Variants in CDH23 observed in about 807,000 individuals in gnomAD.
The protein encoded by CDH23 is cadherin related 23, also known as cadherin-23.
Under a neutral mutation model 317.1 loss-of-function variants are expected in CDH23, and 189 were observed. The ratio of observed to expected loss-of-function variants is 0.60; its 90% CI spans 0.53 to 0.67. The LOEUF is 0.67. Ranked by LOEUF, CDH23 falls within the 30% of genes least tolerant of loss-of-function variation. The pLI, the probability that CDH23 is intolerant of heterozygous loss-of-function variation, is 0.00. For missense variants in CDH23, 4,401 were observed against 4,592.4 expected, an observed-to-expected ratio of 0.96 and a Z score of 1.20; for synonymous variants, 1,839 against 1,876.8, an observed-to-expected ratio of 0.98 and a Z score of 0.52.
In CDH23 at chr10:71,705,117, G is replaced by C; in HGVS notation, c.2940G>C (p.Thr980=). ...CGCCCACCAAGAGCTCCACCAGCAC[G>C]CTCACCATCCATGGTGAGGGGGCGC... ...AGTPTKSSTS[T]LTIHVLDVND... Residue 980 remains threonine, a synonymous_variant, in exon 25 of 70, where the codon ACG becomes ACC. Transcript: ENST00000224721. 6.2e-7 allele frequency: 1 copy of C among 1,610,166 alleles called. No individual in the cohort carries two copies. The highest frequency in any genetic ancestry group is 8.5e-7 in the Non-Finnish European group (1 of 1,178,506).
chr10:71,511,252 C>T (rs1331134197), intron 6 of CDH23, 40 bp downstream of exon 6: 3 of 1,528,740 alleles, frequency 2.0e-6, no homozygotes, highest in Admixed American at 3.3e-5. Flanking sequence ...TATCAGAGAC[C>T]TGCTGCTCCC....
chr10:71,721,280 G>T (rs1564756333), intron 28 of CDH23, among the ~76,000 whole-genome samples: 1 of 152,174 alleles, frequency 6.6e-6, no homozygotes, highest in Non-Finnish European at 1.5e-5. Context: ...GTTTCTCAGG[G>T]AATGGAGAGA....
intron 12 of CDH23, among the ~76,000 whole-genome samples, chr10:71,644,197 G>GCTCTGGGCTCC (rs772878386): frequency 3.3e-5 from 5 of 152,252 alleles, no homozygotes; most frequent in Non-Finnish European, 4.4e-5. Flanking sequence ...CCCCTGGGGA[G>GCTCTGGGCTCC]CCACTTTGGG....
chr10:71,624,316 C>G (rs144511238), intron 11 of CDH23, among the ~76,000 whole-genome samples: 10 of 152,210 alleles, frequency 6.6e-5, no homozygotes, highest in African/African-American at 2.2e-4. Context: ...CAGGGAAGGA[C>G]GAGAGAGGCA....
intron 3 of CDH23, among the ~76,000 whole-genome samples, chr10:71,509,570 A>G (rs536811248): frequency 6.6e-6 from 1 of 152,248 alleles, no homozygotes; most frequent in South Asian, 2.1e-4. Context: ...CATGAAAGAG[A>G]GCTCCTCTTT....
At chr10:71,614,995 T>C (rs145127493) in intron 9 of CDH23, among the ~76,000 whole-genome samples, 1 of 152,294 alleles carries the variant, frequency 6.6e-6, no homozygotes, top group African/African-American at 2.4e-5. Context: ...ACATTTTTTG[T>C]AAAAGGAAAC....
chr10:71,458,253 G>T (rs1850796344), intron 3 of CDH23, among the ~76,000 whole-genome samples: 1 of 152,228 alleles, frequency 6.6e-6, no homozygotes, highest in Admixed American at 6.5e-5. Flanking sequence ...ACCAAGAAAG[G>T]GCTTGGATGG....
chr10:71,617,688 C>A, intron 11 of CDH23: 1 of 363,750 alleles, frequency 2.7e-6, no homozygotes. Flanking sequence ...AAAGCATGTA[C>A]AAAAATAGCA....
intron 14 of CDH23, among the ~76,000 whole-genome samples, chr10:71,648,287 A>G (rs191225947): frequency 6.0e-4 from 92 of 152,300 alleles, no homozygotes; most frequent in Middle Eastern, 3.4e-3. Flanking sequence ...CAAGTGCCAG[A>G]GGCTCTGGCC....
chr10:71,755,185 T>C, intron 38 of CDH23: 1 of 718,716 alleles, frequency 1.4e-6, no homozygotes, highest in Non-Finnish European at 2.4e-6. Flanking sequence ...ATGGCATGCC[T>C]CCTTTCTCTC....
At chr10:71,620,276 G>A (rs890695271) in intron 11 of CDH23, among the ~76,000 whole-genome samples, 3 of 152,130 alleles carry the variant, frequency 2.0e-5, no homozygotes, top group East Asian at 1.9e-4. Context: ...GGAAGGTGCC[G>A]AGTAGTTGTC....
At chr10:71,677,771 GT>G in intron 16 of CDH23, 78 bp downstream of exon 16, 1 of 1,272,018 alleles carries the variant, frequency 7.9e-7, no homozygotes, top group Non-Finnish European at 1.1e-6. Flanking sequence ...CTTCTTTTTT[GT>G]TTTTGTTTTT....
At chr10:71,738,747 A>G (rs964796705) in intron 35 of CDH23, 100 bp downstream of exon 35, 16 of 1,402,586 alleles carry the variant, frequency 1.1e-5, no homozygotes, top group Non-Finnish European at 1.4e-5. Flanking sequence ...ATCACCAAGC[A>G]CCAGGTTCTT....
intron 6 of CDH23, among the ~76,000 whole-genome samples, chr10:71,535,236 GAC>G (rs1855631219): frequency 6.6e-6 from 1 of 152,232 alleles, no homozygotes; most frequent in Non-Finnish European, 1.5e-5. Flanking sequence ...TAAGCCCAAA[GAC>G]ACTGTGTAAA....
intron 3 of CDH23, among the ~76,000 whole-genome samples, chr10:71,499,388 C>A (rs1357318533): frequency 6.6e-6 from 1 of 151,812 alleles, no homozygotes; most frequent in Non-Finnish European, 1.5e-5. Context: ...ATGGCAAAAC[C>A]CTATCTCTAC....
chr10:71,808,139 T>C, intron 60 of CDH23, 132 bp downstream of exon 60: 1 of 1,053,662 alleles, frequency 9.5e-7, no homozygotes, highest in Non-Finnish European at 1.4e-6. Flanking sequence ...GCCACACCAA[T>C]CCTATTCATC....
intron 38 of CDH23, among the ~76,000 whole-genome samples, chr10:71,759,888 T>C (rs1260477338): frequency 3.3e-5 from 1 of 29,942 alleles, no homozygotes; most frequent in Non-Finnish European, 1.1e-4. Flanking sequence ...CACACACATA[T>C]ACACACACAC....
intron 6 of CDH23, among the ~76,000 whole-genome samples, chr10:71,535,697 G>A (rs1231604060): frequency 6.6e-6 from 1 of 152,230 alleles, no homozygotes; most frequent in Admixed American, 6.5e-5. Context: ...TGGCTAGCTG[G>A]AGGAGATGGA....
At chr10:71,558,721 C>CCAT (rs1856985986) in intron 6 of CDH23, among the ~76,000 whole-genome samples, 1 of 152,206 alleles carries the variant, frequency 6.6e-6, no homozygotes. Flanking sequence ...GCTTGTTAGC[C>CCAT]AGTGGGCTCC....
Sources: allele counts gnomAD v4.1 joint callset (sites outside exome capture counted in the v4.1 genomes callset), GRCh38; gene constraint gnomAD v4.1.1; transcripts MANE v1.5; gene names NCBI Gene and HGNC (gene_info 2026-07-23, HGNC 2026-07-21).